Variants in CFAP44 observed in about 807,000 individuals in gnomAD.
CFAP44 encodes cilia- and flagella-associated protein 44.
CFAP44 carries 134 observed loss-of-function variants against 216.2 expected under a neutral mutation model. The ratio of observed to expected loss-of-function variants is 0.62; its 90% CI spans 0.54 to 0.72. CFAP44 has a LOEUF of 0.72. Among genes scored for constraint, CFAP44 ranks in the 30% least tolerant of loss-of-function variants. CFAP44 has a pLI of 0.00. For synonymous variants in CFAP44, 700 were observed against 727.6 expected (o/e 0.96, Z 0.61); for missense variants, 2,035 against 2,182.1 (o/e 0.93, Z 1.34).
At chr3:113,395,717 A>T in intron 15 of CFAP44, 33 bp downstream of exon 15, 1 of 1,554,144 alleles carries the variant, frequency 6.4e-7, no homozygotes, top group Non-Finnish European at 8.8e-7. Flanking sequence ...AGTAATTGAG[A>T]TTCAAACAGG....
In CFAP44 at chr3:113,366,014, A is replaced by G. The variant is rs758077868; in HGVS notation, c.2715+25T>C. On this transcript the variant is annotated intron_variant, in intron 19 of 34. Transcript: ENST00000393845. ...TATTTTTAAATACAGTTTGTTATTA[A>G]TTAACTGGTTAATTAATTACATACC... 25 of 1,571,616 alleles carry G rather than the reference A, an allele frequency of 1.6e-5. No homozygotes were observed. In the South Asian group the frequency reaches 2.4e-4, roughly 15 times the overall value.
chr3:113,418,372 C>G (rs1576601833), intron 5 of CFAP44, among the ~76,000 whole-genome samples: 1 of 152,128 alleles, frequency 6.6e-6, no homozygotes, highest in Admixed American at 6.5e-5. Flanking sequence ...CAGGCAGGAG[C>G]CACCGCGCCA....
At chr3:113,408,723 C>T (rs1004820037) in intron 7 of CFAP44, among the ~76,000 whole-genome samples, 8 of 151,768 alleles carry the variant, frequency 5.3e-5, no homozygotes, top group Admixed American at 2.0e-4. Context: ...ATTAGCCAAG[C>T]GTTGTGGTGG....
chr3:113,378,471 A>G (rs148701698), intron 17 of CFAP44, among the ~76,000 whole-genome samples: 2 of 152,206 alleles, frequency 1.3e-5, no homozygotes, highest in East Asian at 3.9e-4. Context: ...AGGAGGGAAA[A>G]AGTCAACACT....
intron 2 of CFAP44, among the ~76,000 whole-genome samples, chr3:113,431,532 G>T (rs1386072765): frequency 2.0e-5 from 3 of 152,094 alleles, no homozygotes; most frequent in South Asian, 2.1e-4. Flanking sequence ...GAAAAACTAG[G>T]GGGGAACAAA....
intron 17 of CFAP44, among the ~76,000 whole-genome samples, chr3:113,377,903 G>A (rs1483347206): frequency 6.6e-6 from 1 of 152,018 alleles, no homozygotes; most frequent in Non-Finnish European, 1.5e-5. Context: ...CACCCGCCTC[G>A]GCCTCCCAAA....
At chr3:113,381,466 T>C (rs1181572160) in intron 15 of CFAP44, among the ~76,000 whole-genome samples, 1 of 152,198 alleles carries the variant, frequency 6.6e-6, no homozygotes, top group Non-Finnish European at 1.5e-5. Context: ...GTCAGTCCCA[T>C]CCTACTTTAA....
chr3:113,438,005 C>T (rs1003480922), intron 1 of CFAP44, among the ~76,000 whole-genome samples: 9 of 152,126 alleles, frequency 5.9e-5, no homozygotes, highest in African/African-American at 2.2e-4. Context: ...CTTTTATATA[C>T]AGAGTTCTCA....
chr3:113,396,548 A>C lies in CFAP44; in HGVS notation c.1749T>G (p.Tyr583Ter). 6.2e-7 allele frequency: 1 copy of C among 1,614,146 alleles called. No homozygotes were observed. Among genetic ancestry groups the C allele is most frequent in the Non-Finnish European group, 8.5e-7 (1 of 1,180,002 alleles). The change falls in exon 14 of 35, where the codon TAT (tyrosine) becomes TAG (stop). Residue 583 changes from tyrosine (Y) to a stop codon, truncating the protein, a stop_gained. Transcript: ENST00000393845. LOFTEE classifies it high-confidence loss of function. ...PHTACVTALA[Y>*]ERDGEILATG... ...TGGCTAGAATTTCCCCATCACGTTC[A>C]TAAGCTAAAGCAGTGACACAAGCAG...
At chr3:113,361,323 C>A in intron 21 of CFAP44, 1 of 218,970 alleles carries the variant, frequency 4.6e-6, no homozygotes, top group South Asian at 8.1e-5. Flanking sequence ...AAGCTAGATT[C>A]ACTGAGGCAA....
chr3:113,332,463 T>C (rs1950248415), intron 25 of CFAP44, among the ~76,000 whole-genome samples: 1 of 152,168 alleles, frequency 6.6e-6, no homozygotes, highest in African/African-American at 2.4e-5. Flanking sequence ...TTACAAAATA[T>C]TCAAAAATAC....
chr3:113,383,798 C>T (rs539246367), intron 15 of CFAP44, among the ~76,000 whole-genome samples: 7 of 152,184 alleles, frequency 4.6e-5, no homozygotes, highest in South Asian at 2.1e-4. Context: ...ATGTGCAGAA[C>T]GTGCAGGTTT....
intron 26 of CFAP44, 123 bp downstream of exon 26, chr3:113,330,045 C>T (rs1288193262): frequency 8.2e-7 from 1 of 1,216,804 alleles, no homozygotes; most frequent in Non-Finnish European, 1.1e-6. Context: ...GAGTGGTAAG[C>T]TGGTCAGGGT....
At position 113,420,283 on chromosome 3, in the gene CFAP44, TG is replaced by T. The variant is rs1328371763; in HGVS notation, c.408-105del. The T allele has an allele frequency of 3.3e-6, 4 of 1,204,974 alleles. No individual in the cohort carries two copies. The African/African-American group carries it at 6.3e-5, about 19-fold the overall frequency. The allele number at this position is 1,204,974 out of a possible 1,614,324, so 74.6% of individuals were successfully genotyped here. A position where few individuals can be genotyped will look rare whatever the true frequency, so the allele number is the denominator to read the frequency against. ...AAATCTATACTCTTAGATGAAGATGTGAGGTTGAAGTAGTTGAATTTTACCC... is the reference window on the plus strand; with the variant it reads ...AAATCTATACTCTTAGATGAAGATGTAGGTTGAAGTAGTTGAATTTTACCC... On this transcript the variant is annotated intron_variant, in intron 4 of 34. Transcript: ENST00000393845.
chr3:113,352,872 C>T (rs1393120760), intron 22 of CFAP44, among the ~76,000 whole-genome samples: 2 of 152,132 alleles, frequency 1.3e-5, no homozygotes, highest in Non-Finnish European at 2.9e-5. Context: ...TGGTAATACC[C>T]AGTGTTATTT....
At chr3:113,395,319 T>C (rs1012236069) in intron 15 of CFAP44, among the ~76,000 whole-genome samples, 1 of 152,130 alleles carries the variant, frequency 6.6e-6, no homozygotes, top group Non-Finnish European at 1.5e-5. Flanking sequence ...AGAAAATAGA[T>C]GTGGATTGAG....
intron 26 of CFAP44, among the ~76,000 whole-genome samples, chr3:113,328,711 AAAAAAAAAAAAAAAAAAC>A (rs1950213422): frequency 6.8e-6 from 1 of 146,366 alleles, no homozygotes; most frequent in African/African-American, 2.6e-5. Flanking sequence ...AAAAAAAAAA[AAAAAAAAAAAAAAAAAAC>A]AGAGAGAGAA....
intron 7 of CFAP44, among the ~76,000 whole-genome samples, chr3:113,408,439 A>G (rs1229574269): frequency 1.3e-5 from 2 of 152,248 alleles, no homozygotes; most frequent in South Asian, 2.1e-4. Flanking sequence ...AGTTGCTACA[A>G]AAAAGAAATT....
intron 15 of CFAP44, among the ~76,000 whole-genome samples, chr3:113,392,548 C>T (rs930131313): frequency 2.6e-5 from 4 of 152,038 alleles, no homozygotes; most frequent in African/African-American, 4.8e-5. Flanking sequence ...GTCAAAATAA[C>T]TAAAAGAGTA....
Sources: allele counts gnomAD v4.1 joint callset (sites outside exome capture counted in the v4.1 genomes callset), GRCh38; gene constraint gnomAD v4.1.1; transcripts MANE v1.5; gene names NCBI Gene and HGNC (gene_info 2026-07-23, HGNC 2026-07-21).